The following UNC13C variants were observed in gnomAD, a reference collection of about 807,000 sequenced individuals.
The protein encoded by UNC13C is protein unc-13 homolog C.
A neutral mutation model predicts 245.4 loss-of-function variants in UNC13C; 174 were observed. That is an observed-to-expected ratio of 0.71 (90% CI 0.63 to 0.80). The LOEUF (loss-of-function observed/expected upper bound fraction) is 0.80, where lower values mean the gene tolerates loss of function less well. Among genes scored for constraint, UNC13C ranks in the 30% least tolerant of loss-of-function variants. The probability of loss-of-function intolerance (pLI) is 0.00; values close to 1 mark genes in which losing one functional copy is unlikely to be tolerated. For missense variants in UNC13C, 2,829 were observed against 2,602.9 expected (o/e 1.09, Z -1.89); for synonymous variants, 992 against 895.1 (o/e 1.11, Z -1.93).
chr15:53,931,321 A>G, the UNC13C span, among the ~76,000 whole-genome samples: 1 of 151,960 alleles, frequency 6.6e-6, no homozygotes, highest in Non-Finnish European at 1.5e-5. Flanking sequence ...GGGGCGTGCT[A>G]CCACACCTGG....
chr15:53,934,357 C>T, the UNC13C span, among the ~76,000 whole-genome samples: 1 of 152,202 alleles, frequency 6.6e-6, no homozygotes, highest in Non-Finnish European at 1.5e-5. Context: ...CTACTGATGC[C>T]AGACTCTGTA....
At chr15:54,183,210 G>A (rs1038226557) in intron 4 of UNC13C, among the ~76,000 whole-genome samples, 1 of 151,614 alleles carries the variant, frequency 6.6e-6, no homozygotes, top group Non-Finnish European at 1.5e-5. Flanking sequence ...GTAATATAAA[G>A]TTGATAAATA....
intron 2 of UNC13C, among the ~76,000 whole-genome samples, chr15:54,085,540 A>G (rs1381043919): frequency 6.6e-6 from 1 of 152,174 alleles, no homozygotes; most frequent in Non-Finnish European, 1.5e-5. Context: ...AAACAAATAA[A>G]TATCTTCTCT....
In UNC13C at chr15:54,145,044, G is replaced by C. The variant is rs896535253; in HGVS notation, c.3071+1360G>C. 3.3e-5 allele frequency among the ~76,000 whole-genome samples: 5 copies of C among 151,768 alleles called. No homozygotes were observed. The East Asian group carries it at 9.7e-4, about 29-fold the overall frequency. On this transcript the variant is annotated intron_variant, in intron 4 of 32. Coordinates refer to ENST00000260323, the MANE Select transcript of UNC13C (RefSeq NM_001080534.3). ...TGAGCTCAGGTGATCCACACACCTT[G>C]GCCTCCCAAAGTGCTGGAATTACAT...
the UNC13C span, among the ~76,000 whole-genome samples, chr15:53,939,289 A>G: frequency 6.6e-6 from 1 of 152,156 alleles, no homozygotes; most frequent in African/African-American, 2.4e-5. Context: ...CTGAACCAAG[A>G]ATAAATTGAA....
intron 18 of UNC13C, among the ~76,000 whole-genome samples, chr15:54,413,769 T>A (rs1229952317): frequency 2.0e-5 from 3 of 152,162 alleles, no homozygotes; most frequent in African/African-American, 7.2e-5. Flanking sequence ...TGTTTTGAGG[T>A]CATATTTCCT....
intron 2 of UNC13C, among the ~76,000 whole-genome samples, chr15:54,075,531 G>A (rs1274082159): frequency 3.8e-5 from 5 of 132,250 alleles, no homozygotes; most frequent in African/African-American, 1.2e-4. Flanking sequence ...CAGCCCGGGC[G>A]ACAGAGCGAG....
chr15:54,071,632 A>G (rs1033045409), intron 2 of UNC13C, among the ~76,000 whole-genome samples: 18 of 152,030 alleles, frequency 1.2e-4, no homozygotes, highest in African/African-American at 3.9e-4. Flanking sequence ...CAGCAAGATA[A>G]GAATGGTTCT....
rs184389217 is a variant in UNC13C at position 54,128,747 on chromosome 15, T to C, written c.2984-14271T>C. On this transcript the variant is annotated intron_variant, in intron 2 of 32. Coordinates refer to ENST00000260323, the MANE Select transcript of UNC13C (RefSeq NM_001080534.3). ...GGACACCCAAGTGGAAAGGGCTTTATGTTACTTCTGGAAATGGCTGGGAGT... is the reference window on the plus strand; with the variant it reads ...GGACACCCAAGTGGAAAGGGCTTTACGTTACTTCTGGAAATGGCTGGGAGT... Among the ~76,000 whole-genome samples, 4 of 152,326 alleles carry C rather than the reference T, an allele frequency of 2.6e-5. No homozygotes were observed. The East Asian group carries it at 7.7e-4, about 29-fold the overall frequency.
chr15:54,549,959 G>A (rs895645392), intron 28 of UNC13C, among the ~76,000 whole-genome samples: 3 of 152,176 alleles, frequency 2.0e-5, no homozygotes, highest in Non-Finnish European at 4.4e-5. Context: ...TAGAAATCCA[G>A]TGAAGTCTAG....
At chr15:54,310,565 G>C (rs1010560291) in intron 13 of UNC13C, among the ~76,000 whole-genome samples, 2 of 151,682 alleles carry the variant, frequency 1.3e-5, no homozygotes, top group Non-Finnish European at 2.9e-5. Flanking sequence ...AGCATGTAAG[G>C]GTTAGATCTT....
At chr15:54,550,259 C>A (rs1341635725) in intron 28 of UNC13C, among the ~76,000 whole-genome samples, 1 of 152,082 alleles carries the variant, frequency 6.6e-6, no homozygotes, top group Non-Finnish European at 1.5e-5. Context: ...AACCTTGTTT[C>A]AAATTCTTCC....
chr15:54,444,069 G>C (rs1481727543), intron 19 of UNC13C, among the ~76,000 whole-genome samples: 1 of 151,698 alleles, frequency 6.6e-6, no homozygotes, highest in African/African-American at 2.4e-5. Context: ...TATATATCTG[G>C]ATACTCCAGT....
chr15:53,957,011 T>A, the UNC13C span, among the ~76,000 whole-genome samples: 3 of 152,150 alleles, frequency 2.0e-5, no homozygotes, highest in Non-Finnish European at 4.4e-5. Flanking sequence ...ATTATCTTCA[T>A]AGAAATATTT....
intron 17 of UNC13C, among the ~76,000 whole-genome samples, chr15:54,351,212 G>A (rs1375616731): frequency 6.6e-6 from 1 of 152,072 alleles, no homozygotes; most frequent in Non-Finnish European, 1.5e-5. Context: ...CTGCTAAAGG[G>A]TTCTTGGCTA....
At chr15:54,258,167 AAAAT>A (rs1411412017) in intron 8 of UNC13C, among the ~76,000 whole-genome samples, 1 of 152,092 alleles carries the variant, frequency 6.6e-6, no homozygotes, top group Non-Finnish European at 1.5e-5. Flanking sequence ...GGATGTCAAA[AAAAT>A]AAATAAGTTA....
At position 54,027,859 on chromosome 15, in the gene UNC13C, C is replaced by T. The variant is rs371179780; in HGVS notation, c.2983+11973C>T. Among the ~76,000 whole-genome samples the T allele has an allele frequency of 8.6e-5, 13 of 151,490 alleles. No individual in the cohort carries two copies. The South Asian group carries it at 2.5e-3, about 29-fold the overall frequency. On this transcript the variant is annotated intron_variant, in intron 2 of 32. Coordinates refer to ENST00000260323, the MANE Select transcript of UNC13C (RefSeq NM_001080534.3). ...GGTGTCTCCTTACTAGTAGGTAAGC[C>T]CTTAGAAGGAAGTAGTGCTCTGTGT...
intron 29 of UNC13C, 115 bp from the exon 30 acceptor site, chr15:54,567,685 G>A (rs1024007752): frequency 2.1e-6 from 2 of 957,782 alleles, no homozygotes; most frequent in Non-Finnish European, 2.9e-6. Flanking sequence ...CCATTTTTTT[G>A]TATCTTGCAT....
intron 10 of UNC13C, among the ~76,000 whole-genome samples, chr15:54,281,634 G>T (rs1258362690): frequency 6.6e-6 from 1 of 152,126 alleles, no homozygotes; most frequent in Non-Finnish European, 1.5e-5. Flanking sequence ...AAGAATGCAT[G>T]CATTCATTCC....
Sources: allele counts gnomAD v4.1 joint callset (sites outside exome capture counted in the v4.1 genomes callset), GRCh38; gene constraint gnomAD v4.1.1; transcripts MANE v1.5; gene names NCBI Gene and HGNC (gene_info 2026-07-23, HGNC 2026-07-21).